IMPG1: variants seen among roughly 807,000 people sequenced by gnomAD.
The protein encoded by IMPG1 is interphotoreceptor matrix proteoglycan 1.
A neutral mutation model predicts 92.0 loss-of-function variants in IMPG1; 85 were observed. The observed-to-expected ratio is 0.92, with a 90% CI of 0.78 to 1.11. IMPG1 has a LOEUF of 1.11. Among genes scored for constraint, IMPG1 ranks in the 50% least tolerant of loss-of-function variants. The pLI is 0.00. For synonymous variants in IMPG1, 367 were observed against 334.1 expected (o/e 1.10, Z -1.08); for missense variants, 1,022 against 956.0 (o/e 1.07, Z -0.91).
chr6:76,032,736 A>T (rs1045850391), intron 4 of IMPG1, among the ~76,000 whole-genome samples: 3 of 152,138 alleles, frequency 2.0e-5, no homozygotes, highest in Non-Finnish European at 4.4e-5. Flanking sequence ...AAGAGAGTAG[A>T]ATTTGGATAG....
chr6:76,048,617 A>G (rs1783985326), intron 1 of IMPG1, among the ~76,000 whole-genome samples: 1 of 151,762 alleles, frequency 6.6e-6, no homozygotes, highest in African/African-American at 2.4e-5. Flanking sequence ...TTCCTACATC[A>G]TTTTCCCTTT....
chr6:76,062,041 T>C (rs1784215590), intron 1 of IMPG1, among the ~76,000 whole-genome samples: 1 of 152,216 alleles, frequency 6.6e-6, no homozygotes, highest in Non-Finnish European at 1.5e-5. Context: ...AATCATTGTA[T>C]ATTCTGTATC....
At chr6:76,048,337 T>C (rs1783980071) in intron 1 of IMPG1, among the ~76,000 whole-genome samples, 1 of 152,232 alleles carries the variant, frequency 6.6e-6, no homozygotes, top group African/African-American at 2.4e-5. Flanking sequence ...AGATTTCTGG[T>C]ACCTTCTTGC....
intron 1 of IMPG1, among the ~76,000 whole-genome samples, chr6:76,051,095 C>T (rs1784036083): frequency 6.6e-6 from 1 of 152,052 alleles, no homozygotes; most frequent in Admixed American, 6.6e-5. Context: ...AGCACCAATT[C>T]AATGACTGGA....
chr6:76,045,343 C>T (rs781222140), intron 1 of IMPG1, among the ~76,000 whole-genome samples: 9 of 151,694 alleles, frequency 5.9e-5, no homozygotes, highest in African/African-American at 1.2e-4. Flanking sequence ...CTATTTCTGT[C>T]GTCTGGTGCA....
At chr6:75,977,394 CCTGA>C (rs1415556575) in intron 12 of IMPG1, among the ~76,000 whole-genome samples, 4 of 151,942 alleles carry the variant, frequency 2.6e-5, no homozygotes. Context: ...TCGCAACCAG[CCTGA>C]CTGATATGGA....
At chr6:75,963,465 T>C (rs1041196577) in intron 12 of IMPG1, among the ~76,000 whole-genome samples, 2 of 146,860 alleles carry the variant, frequency 1.4e-5, no homozygotes, top group Non-Finnish European at 3.0e-5. Flanking sequence ...ACTTTTTATT[T>C]TGAGATAATT....
chr6:75,974,370 T>C, intron 12 of IMPG1, among the ~76,000 whole-genome samples: 8 of 121,478 alleles, frequency 6.6e-5, no homozygotes, highest in African/African-American at 2.1e-4. Context: ...TTTCTTTCTT[T>C]CTTTCTTTCT....
At chr6:75,924,270 T>C (rs1309709899) in intron 15 of IMPG1, among the ~76,000 whole-genome samples, 1 of 148,886 alleles carries the variant, frequency 6.7e-6, no homozygotes, top group Non-Finnish European at 1.5e-5. Context: ...GAAATCAGTA[T>C]ATCAAAGAGA....
At chr6:76,044,649 G>A (rs917782027) in intron 1 of IMPG1, among the ~76,000 whole-genome samples, 27 of 147,962 alleles carry the variant, frequency 1.8e-4, no homozygotes, top group Non-Finnish European at 3.6e-4. Context: ...TTTTTTCCAG[G>A]TGGATCCTTT....
intron 1 of IMPG1, among the ~76,000 whole-genome samples, chr6:76,064,391 G>A (rs1473187693): frequency 6.9e-6 from 1 of 144,426 alleles, no homozygotes. Context: ...TTTTTTAATG[G>A]CCATTGGCTA....
At chr6:75,951,482 T>G (rs926046006) in intron 12 of IMPG1, among the ~76,000 whole-genome samples, 1 of 152,176 alleles carries the variant, frequency 6.6e-6, no homozygotes, top group Non-Finnish European at 1.5e-5. Flanking sequence ...TTGGAACAGA[T>G]TTAGATCCCT....
At chr6:75,932,301 C>G (rs562507563) in intron 14 of IMPG1, among the ~76,000 whole-genome samples, 1 of 152,170 alleles carries the variant, frequency 6.6e-6, no homozygotes, top group Non-Finnish European at 1.5e-5. Flanking sequence ...TTTGCTAATA[C>G]GGCAGGTGAA....
Position 75,950,620 on chromosome 6 carries a change from T to A in IMPG1, c.1766A>T (p.Asp589Val), listed in dbSNP as rs1284885469. The A allele has an allele frequency of 1.9e-6, 3 of 1,613,768 alleles. No homozygotes were observed. Among genetic ancestry groups the A allele is most frequent in the Non-Finnish European group, 2.5e-6 (3 of 1,179,828 alleles). ...CTCCAGAGAGCTCTTGTTGAACAGG[T>A]CGTTGGAGAAGGCCATGTTAGCAAC... ...LRVANMAFSN[D>V]LFNKSSLEYR... Residue 589 changes from aspartate to valine, a missense_variant, in exon 13 of 17, where the codon GAC (aspartate) becomes GTC (valine). Coordinates refer to ENST00000369950, the MANE Select transcript of IMPG1 (RefSeq NM_001563.4).
At chr6:76,046,643 G>A (rs1168054617) in intron 1 of IMPG1, among the ~76,000 whole-genome samples, 1 of 152,164 alleles carries the variant, frequency 6.6e-6, no homozygotes, top group East Asian at 1.9e-4. Context: ...TAATGTGGGT[G>A]TACTTGACAT....
At chr6:76,039,356 G>GTTTT (rs34625575) in intron 2 of IMPG1, among the ~76,000 whole-genome samples, 1 of 133,558 alleles carries the variant, frequency 7.5e-6, no homozygotes, top group African/African-American at 2.7e-5. Flanking sequence ...AGATCTAGCT[G>GTTTT]TTTTTTTTTT....
At chr6:76,025,544 T>C (rs1240966344) in intron 4 of IMPG1, among the ~76,000 whole-genome samples, 1 of 152,170 alleles carries the variant, frequency 6.6e-6, no homozygotes, top group Admixed American at 6.5e-5. Context: ...AAGCTGGTCT[T>C]TGGGGTCTAA....
chr6:75,941,785 T>G (rs1781839984), intron 14 of IMPG1, among the ~76,000 whole-genome samples: 2 of 152,248 alleles, frequency 1.3e-5, no homozygotes, highest in Non-Finnish European at 2.9e-5. Context: ...ATTCCAATTT[T>G]TCATATTCTC....
At chr6:76,069,671 C>T (rs1287031052) in intron 1 of IMPG1, among the ~76,000 whole-genome samples, 1 of 151,882 alleles carries the variant, frequency 6.6e-6, no homozygotes, top group Non-Finnish European at 1.5e-5. Context: ...GACACATACA[C>T]TTGCAAGTTC....
Sources: gnomAD v4.1 joint callset for allele counts (sites outside exome capture counted in the v4.1 genomes callset) on GRCh38, gnomAD v4.1.1 for gene constraint, MANE v1.5 for transcripts, NCBI Gene and HGNC (gene_info 2026-07-23, HGNC 2026-07-21) for gene names.